VEPH1: variants seen among roughly 807,000 people sequenced by gnomAD.
The protein encoded by VEPH1 is ventricular zone-expressed PH domain-containing protein homolog 1.
A neutral mutation model predicts 85.2 loss-of-function variants in VEPH1; 80 were observed. That is an observed-to-expected ratio of 0.94 (90% CI 0.78 to 1.13). The LOEUF is 1.13. Ranked by LOEUF, VEPH1 falls within the 50% of genes most tolerant of loss-of-function variation. VEPH1 has a pLI of 0.00. For missense variants in VEPH1, 955 were observed against 980.5 expected (o/e 0.97, Z 0.35); for synonymous variants, 297 against 348.0 (o/e 0.85, Z 1.63).
chr3:157,346,687 A>G (rs1724260703), intron 9 of VEPH1, among the ~76,000 whole-genome samples: 1 of 152,016 alleles, frequency 6.6e-6, no homozygotes. Flanking sequence ...ACTTCACTGC[A>G]GCCTCAACCT....
chr3:157,425,813 C>T (rs1042115101), intron 5 of VEPH1, among the ~76,000 whole-genome samples: 1 of 152,018 alleles, frequency 6.6e-6, no homozygotes, highest in Non-Finnish European at 1.5e-5. Flanking sequence ...TTTGGATGGG[C>T]CAGGGATGTA....
intron 12 of VEPH1, among the ~76,000 whole-genome samples, chr3:157,268,090 T>C (rs1214452309): frequency 6.6e-6 from 1 of 152,208 alleles, no homozygotes; most frequent in Non-Finnish European, 1.5e-5. Flanking sequence ...CTGCTTTGCT[T>C]TGATAGGAAT....
At chr3:157,490,516 G>GA (rs1739131605) in intron 2 of VEPH1, among the ~76,000 whole-genome samples, 1 of 152,018 alleles carries the variant, frequency 6.6e-6, no homozygotes, top group Non-Finnish European at 1.5e-5. Flanking sequence ...ATAAGCATAT[G>GA]AAAAAATGGT....
chr3:157,330,512 C>T (rs1395469322), intron 9 of VEPH1, among the ~76,000 whole-genome samples: 2 of 152,172 alleles, frequency 1.3e-5, no homozygotes. Context: ...TATGAAAAAA[C>T]TGTATCATAA....
chr3:157,289,133 TGTGAA>T (rs780161735), intron 11 of VEPH1, among the ~76,000 whole-genome samples: 124 of 152,366 alleles, frequency 8.1e-4, no homozygotes, highest in Non-Finnish European at 1.4e-3. Context: ...GTTTCAAAAC[TGTGAA>T]GTCTCTGAAG....
chr3:157,342,633 A>G (rs1452081555), intron 9 of VEPH1, among the ~76,000 whole-genome samples: 2 of 152,246 alleles, frequency 1.3e-5, no homozygotes, highest in Non-Finnish European at 2.9e-5. Context: ...CAGAAAGTTA[A>G]CAAGGATATC....
chr3:157,369,180 G>GAAAAAAAAAACAA (rs1727122823), intron 7 of VEPH1, among the ~76,000 whole-genome samples: 3 of 42,780 alleles, frequency 7.0e-5, no homozygotes, highest in Admixed American at 4.9e-4. Flanking sequence ...AAAACCAAAT[G>GAAAAAAAAAACAA]AAAAAAAAAA....
chr3:157,438,001 AG>A, intron 4 of VEPH1: 1 of 1,438,142 alleles, frequency 7.0e-7, no homozygotes. Flanking sequence ...GCAACCTTCT[AG>A]GGGAAGCTTT....
At chr3:157,455,107 C>A (rs1013239847) in intron 4 of VEPH1, among the ~76,000 whole-genome samples, 3 of 152,200 alleles carry the variant, frequency 2.0e-5, no homozygotes, top group African/African-American at 7.2e-5. Flanking sequence ...GGTATATATA[C>A]CCAGCAGTAG....
intron 4 of VEPH1, among the ~76,000 whole-genome samples, chr3:157,452,683 C>CAG (rs5853784): frequency 0.66 from 99,720 of 151,906 alleles, 33,277 homozygotes; most frequent in African/African-American, 0.77. Flanking sequence ...TATGAGGAAA[C>CAG]AGGCTGGGAA....
At chr3:157,454,661 T>C (rs2109326141) in intron 4 of VEPH1, among the ~76,000 whole-genome samples, 2 of 152,264 alleles carry the variant, frequency 1.3e-5, no homozygotes, top group South Asian at 4.1e-4. Context: ...TACAAGGCTA[T>C]ATTGCATGAT....
At chr3:157,318,155 T>C (rs1317567526) in intron 9 of VEPH1, among the ~76,000 whole-genome samples, 1 of 152,208 alleles carries the variant, frequency 6.6e-6, no homozygotes, top group Non-Finnish European at 1.5e-5. Context: ...GCTCAATCTG[T>C]GGCAGAGCCA....
chr3:157,478,476 A>C (rs969078302), intron 2 of VEPH1, among the ~76,000 whole-genome samples: 5 of 152,206 alleles, frequency 3.3e-5, no homozygotes, highest in African/African-American at 4.8e-5. Flanking sequence ...TAGTTTATTA[A>C]TAAATGGCAA....
intron 4 of VEPH1, among the ~76,000 whole-genome samples, chr3:157,458,266 G>A (rs1382813879): frequency 1.3e-5 from 2 of 151,970 alleles, no homozygotes; most frequent in African/African-American, 4.8e-5. Flanking sequence ...TTCTTTATTA[G>A]TCTAGCTAGC....
intron 4 of VEPH1, among the ~76,000 whole-genome samples, chr3:157,456,154 G>A (rs937732343): frequency 1.3e-5 from 2 of 151,908 alleles, no homozygotes; most frequent in Non-Finnish European, 2.9e-5. Context: ...ATGATTGTTG[G>A]CTGCATGTAT....
chr3:157,437,971 G>A (rs1317216227), intron 4 of VEPH1: 4 of 1,507,214 alleles, frequency 2.7e-6, no homozygotes, highest in East Asian at 5.1e-5. Context: ...GGGAGCGCGC[G>A]TAACGGCAAG....
intron 4 of VEPH1, among the ~76,000 whole-genome samples, chr3:157,454,912 G>A (rs1354575904): frequency 1.3e-5 from 2 of 152,128 alleles, no homozygotes; most frequent in Non-Finnish European, 2.9e-5. Flanking sequence ...TTGCTGCAAA[G>A]GACATGATTT....
chr3:157,382,805 A>T (rs1356844582), intron 6 of VEPH1, among the ~76,000 whole-genome samples: 1 of 152,062 alleles, frequency 6.6e-6, no homozygotes, highest in African/African-American at 2.4e-5. Context: ...ACTGCATTAT[A>T]GACTCTTTAA....
intron 11 of VEPH1, among the ~76,000 whole-genome samples, chr3:157,306,174 T>C (rs1377950794): frequency 6.6e-6 from 1 of 152,106 alleles, no homozygotes; most frequent in Non-Finnish European, 1.5e-5. Flanking sequence ...TTGCTTCTGG[T>C]TATTTAACAA....
Sources: allele counts gnomAD v4.1 joint callset (sites outside exome capture counted in the v4.1 genomes callset), GRCh38; gene constraint gnomAD v4.1.1; transcripts MANE v1.5; gene names NCBI Gene and HGNC (gene_info 2026-07-23, HGNC 2026-07-21).